Variants in NOS1AP observed in about 807,000 individuals in gnomAD.
The protein encoded by NOS1AP is nitric oxide synthase 1 adaptor protein, also known as carboxyl-terminal PDZ ligand of neuronal nitric oxide synthase protein.
A neutral mutation model predicts 56.2 loss-of-function variants in NOS1AP; 21 were observed. The observed-to-expected ratio is 0.37, with a 90% confidence interval of 0.26 to 0.54. The LOEUF is 0.54. Among genes scored for constraint, NOS1AP ranks in the 20% least tolerant of loss-of-function variants. The probability of loss-of-function intolerance (pLI) is 0.84; values close to 1 mark genes in which losing one functional copy is unlikely to be tolerated. For synonymous variants in NOS1AP, 270 were observed against 274.6 expected, an observed-to-expected ratio of 0.98 and a Z score of 0.17; for missense variants, 522 against 657.8, an observed-to-expected ratio of 0.79 and a Z score of 2.26.
chr1:162,337,244 C>G (rs750402893), intron 5 of NOS1AP, among the ~76,000 whole-genome samples: 1 of 152,170 alleles, frequency 6.6e-6, no homozygotes, highest in African/African-American at 2.4e-5. Context: ...TGGGCAGCTC[C>G]TTGAAATAAT....
intron 4 of NOS1AP, among the ~76,000 whole-genome samples, chr1:162,303,946 G>T (rs1655740732): frequency 7.3e-6 from 1 of 137,024 alleles, no homozygotes; most frequent in Non-Finnish European, 1.5e-5. Flanking sequence ...CTTTTAAAGA[G>T]CAAAAGTTTT....
At chr1:162,199,868 C>T (rs770971510) in intron 2 of NOS1AP, among the ~76,000 whole-genome samples, 2 of 152,068 alleles carry the variant, frequency 1.3e-5, no homozygotes, top group African/African-American at 2.4e-5. Flanking sequence ...CTGGGAATTC[C>T]GTATGGAAAT....
At chr1:162,093,325 T>C (rs1433586448) in intron 1 of NOS1AP, among the ~76,000 whole-genome samples, 1 of 152,208 alleles carries the variant, frequency 6.6e-6, no homozygotes, top group East Asian at 1.9e-4. Context: ...GACATAAACT[T>C]GAACAAGACA....
At chr1:162,194,850 T>C (rs1651755797) in intron 2 of NOS1AP, among the ~76,000 whole-genome samples, 1 of 152,174 alleles carries the variant, frequency 6.6e-6, no homozygotes, top group Non-Finnish European at 1.5e-5. Context: ...GAAATTGGGT[T>C]GGCACATTCA....
At chr1:162,348,745 C>T (rs1019579687) in intron 6 of NOS1AP, among the ~76,000 whole-genome samples, 1 of 152,092 alleles carries the variant, frequency 6.6e-6, no homozygotes, top group African/African-American at 2.4e-5. Flanking sequence ...AAGGGCTCTC[C>T]CCTGCTCGTG....
At chr1:162,310,143 G>A (rs113185504) in intron 4 of NOS1AP, among the ~76,000 whole-genome samples, 6 of 151,950 alleles carry the variant, frequency 3.9e-5, no homozygotes, top group South Asian at 2.1e-4. Flanking sequence ...CTCAAATCCC[G>A]GAATGCATTC....
At chr1:162,105,791 T>G (rs1647480189) in intron 1 of NOS1AP, among the ~76,000 whole-genome samples, 1 of 152,222 alleles carries the variant, frequency 6.6e-6, no homozygotes, top group Admixed American at 6.5e-5. Context: ...ACCACAGGGA[T>G]GGTGGCTGGT....
chr1:162,161,650 C>T (rs749895575), intron 2 of NOS1AP, among the ~76,000 whole-genome samples: 15 of 151,902 alleles, frequency 9.9e-5, no homozygotes, highest in South Asian at 2.1e-4. Flanking sequence ...TGGAGTGTGG[C>T]GGCATGATCA....
chr1:162,219,962 A>T (rs1433624349), intron 2 of NOS1AP, among the ~76,000 whole-genome samples: 1 of 152,072 alleles, frequency 6.6e-6, no homozygotes, highest in East Asian at 1.9e-4. Flanking sequence ...ACAGGGTCTC[A>T]CTCTGTCACT....
intron 4 of NOS1AP, among the ~76,000 whole-genome samples, chr1:162,318,316 C>T (rs1028899836): frequency 1.3e-5 from 2 of 152,224 alleles, no homozygotes; most frequent in African/African-American, 4.8e-5. Flanking sequence ...TTCCAAAACT[C>T]CCATTCACTT....
chr1:162,138,676 A>T (rs1485137880), intron 1 of NOS1AP, among the ~76,000 whole-genome samples: 2 of 152,096 alleles, frequency 1.3e-5, no homozygotes, highest in Non-Finnish European at 2.9e-5. Context: ...TTTCTTCCTT[A>T]CTTTTCCATG....
At chr1:162,217,655 G>A (rs1306580128) in intron 2 of NOS1AP, among the ~76,000 whole-genome samples, 1 of 152,162 alleles carries the variant, frequency 6.6e-6, no homozygotes, top group Non-Finnish European at 1.5e-5. Flanking sequence ...GAGTGAGAGT[G>A]TGGCTGGCTC....
At chr1:162,100,569 C>G (rs140510735) in intron 1 of NOS1AP, among the ~76,000 whole-genome samples, 1 of 152,086 alleles carries the variant, frequency 6.6e-6, no homozygotes, top group South Asian at 2.1e-4. Context: ...AAAATTTTCT[C>G]CCATTCTGTA....
At chr1:162,106,688 A>T (rs2102036526) in intron 1 of NOS1AP, among the ~76,000 whole-genome samples, 1 of 152,356 alleles carries the variant, frequency 6.6e-6, no homozygotes, top group Non-Finnish European at 1.5e-5. Context: ...ACATCCAGAT[A>T]GCATTTCTCA....
chr1:162,279,030 C>T (rs1332367593), intron 2 of NOS1AP, among the ~76,000 whole-genome samples: 1 of 152,092 alleles, frequency 6.6e-6, no homozygotes, highest in Non-Finnish European at 1.5e-5. Flanking sequence ...AGGGTTTATA[C>T]TGTTGTATTT....
chr1:162,349,055 C>T (rs922445122), intron 6 of NOS1AP, among the ~76,000 whole-genome samples: 8 of 152,076 alleles, frequency 5.3e-5, no homozygotes, highest in African/African-American at 1.9e-4. Flanking sequence ...GGTGTGGTGG[C>T]GCATGCCTGT....
Position 162,182,316 on chromosome 1 carries a change from G to C in NOS1AP, c.177+27840G>C, listed in dbSNP as rs528061597. Among the ~76,000 whole-genome samples, 4 of 152,302 alleles carry C rather than the reference G, an allele frequency of 2.6e-5. No homozygotes were observed. In the South Asian group the frequency reaches 8.3e-4, roughly 32 times the overall value. ...CAGGCATACCTTGGAGATACTGCGGGTTTGGTTCCAGGCCACTGCAATAAA... is the reference window on the plus strand; with the variant it reads ...CAGGCATACCTTGGAGATACTGCGGCTTTGGTTCCAGGCCACTGCAATAAA... On this transcript the variant is annotated intron_variant, in intron 2 of 9. Transcript: ENST00000361897.
intron 2 of NOS1AP, among the ~76,000 whole-genome samples, chr1:162,192,680 C>T (rs1014699361): frequency 6.6e-6 from 1 of 152,170 alleles, no homozygotes; most frequent in African/African-American, 2.4e-5. Context: ...TGGCCAATCC[C>T]TTTGCTGATT....
chr1:162,204,629 A>G (rs1053970502), intron 2 of NOS1AP, among the ~76,000 whole-genome samples: 1 of 152,134 alleles, frequency 6.6e-6, no homozygotes, highest in African/African-American at 2.4e-5. Context: ...TCTGCCTTGT[A>G]TATTTCCTGT....
Sources: gnomAD v4.1 joint callset for allele counts (sites outside exome capture counted in the v4.1 genomes callset) on GRCh38, gnomAD v4.1.1 for gene constraint, MANE v1.5 for transcripts, NCBI Gene and HGNC (gene_info 2026-07-23, HGNC 2026-07-21) for gene names.